The following PPM1E variants were observed in gnomAD, a reference collection of about 807,000 sequenced individuals.
PPM1E encodes the protein protein phosphatase, Mg2+/Mn2+ dependent 1E.
Under a neutral mutation model 65.9 loss-of-function variants are expected in PPM1E, and 20 were observed. The observed-to-expected ratio is 0.30, with a 90% CI of 0.21 to 0.44. The LOEUF (loss-of-function observed/expected upper bound fraction) is 0.44. Ranked by LOEUF, PPM1E falls within the 20% of genes least tolerant of loss-of-function variation. PPM1E has a pLI of 1.00. For synonymous variants in PPM1E, 352 were observed against 374.9 expected, an observed-to-expected ratio of 0.94 and a Z score of 0.70; for missense variants, 713 against 953.1, an observed-to-expected ratio of 0.75 and a Z score of 3.32.
At chr17:58,778,099 A>AT (rs906103779) in intron 1 of PPM1E, among the ~76,000 whole-genome samples, 38 of 149,194 alleles carry the variant, frequency 2.5e-4, no homozygotes, top group East Asian at 5.9e-4. Context: ...ACACACAGCT[A>AT]TTTTTTTTTT....
At chr17:58,766,118 C>G (rs2049873539) in intron 1 of PPM1E, among the ~76,000 whole-genome samples, 1 of 149,782 alleles carries the variant, frequency 6.7e-6, no homozygotes, top group African/African-American at 2.5e-5. Flanking sequence ...GACCTCAGGT[C>G]ATCCACCCTA....
At chr17:58,889,530 C>T (rs1366419767) in intron 1 of PPM1E, among the ~76,000 whole-genome samples, 2 of 151,998 alleles carry the variant, frequency 1.3e-5, no homozygotes, top group Admixed American at 6.6e-5. Flanking sequence ...ACCCAGGAGG[C>T]GGAGGTTGCA....
chr17:58,957,865 G>A (rs1392244585), intron 2 of PPM1E, among the ~76,000 whole-genome samples: 1 of 152,232 alleles, frequency 6.6e-6, no homozygotes, highest in African/African-American at 2.4e-5. Flanking sequence ...TTGAGGGCCA[G>A]CTGTTGGTGA....
intron 1 of PPM1E, among the ~76,000 whole-genome samples, chr17:58,786,602 G>C (rs962901889): frequency 6.6e-6 from 1 of 152,132 alleles, no homozygotes; most frequent in African/African-American, 2.4e-5. Context: ...ACAGAATGGC[G>C]TGCAGTTTAA....
chr17:58,809,131 A>T (rs867689624), intron 1 of PPM1E, among the ~76,000 whole-genome samples: 3 of 152,074 alleles, frequency 2.0e-5, no homozygotes, highest in Admixed American at 6.6e-5. Context: ...TTGCTCTGTC[A>T]CTCAGGCTGT....
chr17:58,954,625 C>G (rs983204278), intron 1 of PPM1E, among the ~76,000 whole-genome samples: 1 of 152,106 alleles, frequency 6.6e-6, no homozygotes. Flanking sequence ...CACCTGTAAT[C>G]CCAGCACTTT....
At chr17:58,970,530 G>T (rs1388453631) in intron 4 of PPM1E, among the ~76,000 whole-genome samples, 1 of 152,064 alleles carries the variant, frequency 6.6e-6, no homozygotes, top group East Asian at 1.9e-4. Flanking sequence ...TTTTTAAAAT[G>T]GGCTTGGAGA....
At chr17:58,777,585 C>A (rs2050006334) in intron 1 of PPM1E, among the ~76,000 whole-genome samples, 1 of 152,126 alleles carries the variant, frequency 6.6e-6, no homozygotes, top group Non-Finnish European at 1.5e-5. Flanking sequence ...ATTAAAGTAT[C>A]ATTTTACCTG....
At chr17:58,901,565 C>A (rs868528629) in intron 1 of PPM1E, among the ~76,000 whole-genome samples, 9 of 152,082 alleles carry the variant, frequency 5.9e-5, no homozygotes, top group African/African-American at 1.7e-4. Flanking sequence ...GTAGTCCCAA[C>A]TACTCGGGGG....
At chr17:58,929,704 G>A (rs1268727570) in intron 1 of PPM1E, among the ~76,000 whole-genome samples, 1 of 152,072 alleles carries the variant, frequency 6.6e-6, no homozygotes, top group Non-Finnish European at 1.5e-5. Context: ...AAAAGCATTC[G>A]ATACTCTCAG....
chr17:58,874,676 C>A (rs1598622692), intron 1 of PPM1E, among the ~76,000 whole-genome samples: 1 of 152,006 alleles, frequency 6.6e-6, no homozygotes, highest in African/African-American at 2.4e-5. Context: ...CTGGTTTGTA[C>A]TACCTCAGAA....
rs1307890925 is a variant in PPM1E at position 58,983,108 on chromosome 17, A to C, written c.*2077A>C. ...GCTAGGCTTTCTCAGTGGGGAAAAA[A>C]ATGGCTGGATAGAACTGGGACAAAC... On this transcript the variant is annotated 3_prime_UTR_variant, in exon 7 of 7. Transcript: ENST00000308249. 7.0e-6 allele frequency: 4 copies of C among 568,720 alleles called. No homozygotes were observed. In the African/African-American group the frequency reaches 7.6e-5, roughly 11 times the overall value. 35.2% of individuals were successfully genotyped at this position (568,720 alleles called of 1,614,324 possible). A position where few individuals can be genotyped will look rare whatever the true frequency, so the allele number is the denominator to read the frequency against.
At chr17:58,802,588 A>C (rs2050269193) in intron 1 of PPM1E, among the ~76,000 whole-genome samples, 1 of 152,074 alleles carries the variant, frequency 6.6e-6, no homozygotes, top group Non-Finnish European at 1.5e-5. Context: ...TACCATTGGA[A>C]TTTTGATAGA....
At chr17:58,771,031 AT>A (rs1332928978) in intron 1 of PPM1E, among the ~76,000 whole-genome samples, 1 of 151,564 alleles carries the variant, frequency 6.6e-6, no homozygotes, top group African/African-American at 2.4e-5. Flanking sequence ...TAATTTTTGT[AT>A]TTTTAGTAGA....
rs1404906888 is a variant in PPM1E, at chr17:58,853,842, A to G, written c.464+97381A>G. Among the ~76,000 whole-genome samples, 5 of 152,036 alleles carry G rather than the reference A, an allele frequency of 3.3e-5. No homozygotes were observed. The South Asian group carries it at 1.0e-3, about 32-fold the overall frequency. The stretch of plus-strand genomic sequence containing the variant: ...TGAGACTCTGTCCCAAAAAAAGAAA[A>G]GAAAGTGTGAAGTGTGAATCCTCCA... On this transcript the variant is annotated intron_variant, in intron 1 of 6. Transcript: ENST00000308249.
chr17:58,944,020 A>C (rs1056650288), intron 1 of PPM1E, among the ~76,000 whole-genome samples: 1 of 152,082 alleles, frequency 6.6e-6, no homozygotes, highest in South Asian at 2.1e-4. Flanking sequence ...TCTTTTTCCA[A>C]CTAAGGAAAT....
intron 1 of PPM1E, among the ~76,000 whole-genome samples, chr17:58,817,756 G>GTTTT (rs879262306): frequency 6.9e-6 from 1 of 145,330 alleles, no homozygotes. Context: ...ATACACTCTA[G>GTTTT]TTTTTTTTTT....
intron 1 of PPM1E, among the ~76,000 whole-genome samples, chr17:58,851,746 G>T (rs1028910559): frequency 3.9e-5 from 6 of 152,206 alleles, no homozygotes; most frequent in African/African-American, 1.4e-4. Flanking sequence ...ACTTGAGGAG[G>T]CAATATGTCC....
At chr17:58,830,406 C>G (rs972969187) in intron 1 of PPM1E, among the ~76,000 whole-genome samples, 5 of 151,704 alleles carry the variant, frequency 3.3e-5, no homozygotes, top group African/African-American at 1.2e-4. Context: ...CTCCCAGGTT[C>G]ACGCCATTCT....
Sources: allele counts gnomAD v4.1 joint callset (sites outside exome capture counted in the v4.1 genomes callset), GRCh38; gene constraint gnomAD v4.1.1; transcripts MANE v1.5; gene names NCBI Gene and HGNC (gene_info 2026-07-23, HGNC 2026-07-21).